The following NRXN1 variants were observed in gnomAD, a reference collection of about 807,000 sequenced individuals.
NRXN1 encodes the protein neurexin-1.
NRXN1 carries 39 observed loss-of-function variants against 150.9 expected under a neutral mutation model. The observed-to-expected ratio is 0.26, with a 90% CI of 0.20 to 0.34. The LOEUF (loss-of-function observed/expected upper bound fraction) is 0.34, where lower values mean the gene tolerates loss of function less well. Ranked by LOEUF, NRXN1 falls within the 10% of genes least tolerant of loss-of-function variation. NRXN1 has a pLI of 1.00. For synonymous variants in NRXN1, 924 were observed against 757.0 expected (o/e 1.22, Z -3.62); for missense variants, 1,815 against 1,949.9 (o/e 0.93, Z 1.30).
rs181608480 is a variant in NRXN1 at position 50,504,600 on chromosome 2, T to C, written c.2497+1895A>G. Among the ~76,000 whole-genome samples, 325 of 151,962 alleles carry C rather than the reference T, an allele frequency of 2.1e-3. 1 individual carries two copies. The highest frequency in any genetic ancestry group is 7.5e-3 in the African/African-American group (310 of 41,226). ...TTAAAAAAAATGTTTTTCACCATTCTTTTGTTTTCATCCTGCTACATCCAC... is the reference window on the plus strand; with the variant it reads ...TTAAAAAAAATGTTTTTCACCATTCCTTTGTTTTCATCCTGCTACATCCAC... On this transcript the variant is annotated intron_variant, in intron 13 of 22. Transcript: ENST00000401669.
chr2:50,587,215 T>G (rs1191509647), intron 8 of NRXN1, among the ~76,000 whole-genome samples: 1 of 152,306 alleles, frequency 6.6e-6, no homozygotes, highest in Non-Finnish European at 1.5e-5. Context: ...CCAGGCATGG[T>G]GGCTCACACC....
chr2:50,381,737 C>T (rs1011390805), intron 17 of NRXN1, among the ~76,000 whole-genome samples: 2 of 152,032 alleles, frequency 1.3e-5, no homozygotes, highest in Non-Finnish European at 2.9e-5. Flanking sequence ...GCTTTTGCAC[C>T]ATCCTAATAG....
At chr2:50,127,045 A>G (rs182669983) in intron 18 of NRXN1, among the ~76,000 whole-genome samples, 5 of 152,248 alleles carry the variant, frequency 3.3e-5, no homozygotes, top group East Asian at 3.9e-4. Context: ...TGTGCTTGCA[A>G]TTAGGCTGCC....
At chr2:50,026,786 G>T (rs1385989659) in intron 21 of NRXN1, among the ~76,000 whole-genome samples, 1 of 146,942 alleles carries the variant, frequency 6.8e-6, no homozygotes, top group African/African-American at 2.5e-5. Flanking sequence ...CAACTTGAGA[G>T]CAACTCACAG....
At chr2:50,397,414 G>A (rs927445189) in intron 17 of NRXN1, among the ~76,000 whole-genome samples, 1 of 152,040 alleles carries the variant, frequency 6.6e-6, no homozygotes, top group Non-Finnish European at 1.5e-5. Flanking sequence ...CAGAACAATG[G>A]ACATTTGTTA....
chr2:50,049,704 A>T (rs1217500707), intron 21 of NRXN1, among the ~76,000 whole-genome samples: 2 of 152,146 alleles, frequency 1.3e-5, no homozygotes, highest in Admixed American at 1.3e-4. Flanking sequence ...AGGCAAAGGA[A>T]GGAAGTGTTG....
At chr2:50,510,481 ATC>A (rs1431873267) in intron 12 of NRXN1, among the ~76,000 whole-genome samples, 16 of 76,754 alleles carry the variant, frequency 2.1e-4, no homozygotes, top group Admixed American at 3.2e-4. Flanking sequence ...GAGAGACTCC[ATC>A]TCAAAAAAAA....
intron 5 of NRXN1, among the ~76,000 whole-genome samples, chr2:50,843,713 T>C (rs1405189336): frequency 6.6e-6 from 1 of 152,182 alleles, no homozygotes; most frequent in East Asian, 1.9e-4. Context: ...ATAACAACTA[T>C]TCTAGGAGAG....
At chr2:50,821,626 T>G (rs1669745733) in intron 5 of NRXN1, among the ~76,000 whole-genome samples, 1 of 152,166 alleles carries the variant, frequency 6.6e-6, no homozygotes, top group African/African-American at 2.4e-5. Flanking sequence ...TGAGAACAGC[T>G]GGGAGAGTCT....
In NRXN1 at chr2:50,952,816, C is replaced by G. The variant is rs116670847; in HGVS notation, c.773-26861G>C. On this transcript the variant is annotated intron_variant, in intron 2 of 22. Coordinates refer to ENST00000401669, the MANE Select transcript of NRXN1 (RefSeq NM_001330078.2). ...CTTTCGTCATCTATGCCAGATTCCACTGAGCTTCAACCCTACCCTCCCATT... is the reference window on the plus strand; with the variant it reads ...CTTTCGTCATCTATGCCAGATTCCAGTGAGCTTCAACCCTACCCTCCCATT... 4.5e-3 allele frequency among the ~76,000 whole-genome samples: 691 copies of G among 152,234 alleles called. 4 individuals carry two copies. Among genetic ancestry groups the G allele is most frequent in the African/African-American group, 0.016 (667 of 41,558 alleles).
At chr2:50,992,947 T>C (rs577270957) in intron 2 of NRXN1, among the ~76,000 whole-genome samples, 24 of 151,998 alleles carry the variant, frequency 1.6e-4, no homozygotes, top group Admixed American at 3.9e-4. Flanking sequence ...TTTTACCAAG[T>C]GCATAAATTT....
rs578020201 is a variant in NRXN1, at chr2:50,341,686, G to T, written c.3365-104716C>A. Among the ~76,000 whole-genome samples, 3 of 152,188 alleles carry T rather than the reference G, an allele frequency of 2.0e-5. No individual in the cohort carries two copies. In the East Asian group the frequency reaches 5.8e-4, roughly 29 times the overall value. ...TATCTTAACTACATTTACAAAACAA[G>T]ACTTATATCTGTTCGAAAAGTAGAA... is the stretch of plus-strand genomic sequence containing the variant. On this transcript the variant is annotated intron_variant, in intron 17 of 22. Coordinates refer to ENST00000401669, the MANE Select transcript of NRXN1 (RefSeq NM_001330078.2).
chr2:49,987,750 T>C (rs898771705), intron 21 of NRXN1, among the ~76,000 whole-genome samples: 6 of 127,780 alleles, frequency 4.7e-5, no homozygotes, highest in Non-Finnish European at 8.8e-5. Flanking sequence ...TTATTCTAGA[T>C]GAAACAACGT....
At chr2:50,101,586 C>A (rs1228360305) in intron 18 of NRXN1, among the ~76,000 whole-genome samples, 1 of 151,904 alleles carries the variant, frequency 6.6e-6, no homozygotes, top group Non-Finnish European at 1.5e-5. Context: ...GCAAATGTAA[C>A]CTTAGTAACT....
intron 8 of NRXN1, among the ~76,000 whole-genome samples, chr2:50,575,238 C>T (rs990525953): frequency 3.9e-5 from 6 of 152,132 alleles, no homozygotes; most frequent in Non-Finnish European, 7.3e-5. Context: ...CATTTTTAAT[C>T]GGAAAACTCA....
chr2:50,355,382 G>C (rs1205225851), intron 17 of NRXN1, among the ~76,000 whole-genome samples: 1 of 151,490 alleles, frequency 6.6e-6, no homozygotes, highest in East Asian at 1.9e-4. Flanking sequence ...CTACTATCAA[G>C]ACCTTTTTAC....
chr2:50,169,563 A>T (rs2059898450), intron 18 of NRXN1, among the ~76,000 whole-genome samples: 1 of 151,990 alleles, frequency 6.6e-6, no homozygotes, highest in Non-Finnish European at 1.5e-5. Context: ...AAATACGAAA[A>T]TTAGCTGGTC....
At chr2:50,562,222 T>G (rs777112451) in intron 8 of NRXN1, among the ~76,000 whole-genome samples, 2 of 152,106 alleles carry the variant, frequency 1.3e-5, no homozygotes, top group Non-Finnish European at 2.9e-5. Context: ...CCACTTAATT[T>G]TACATTTTTC....
chr2:49,973,623 A>G (rs1558614024), intron 21 of NRXN1: 1 of 292,076 alleles, frequency 3.4e-6, no homozygotes, highest in Non-Finnish European at 6.4e-6. Flanking sequence ...ATGCACACAC[A>G]CACACACACA....
Sources: allele counts gnomAD v4.1 joint callset (sites outside exome capture counted in the v4.1 genomes callset), GRCh38; gene constraint gnomAD v4.1.1; transcripts MANE v1.5; gene names NCBI Gene and HGNC (gene_info 2026-07-23, HGNC 2026-07-21).